The following SGCZ variants were observed in gnomAD, a reference collection of about 807,000 sequenced individuals.
SGCZ encodes the protein sarcoglycan zeta, also known as zeta-sarcoglycan.
A neutral mutation model predicts 41.3 loss-of-function variants in SGCZ; 40 were observed. The observed-to-expected ratio is 0.97, with a 90% CI of 0.75 to 1.26. SGCZ has a LOEUF of 1.26. Ranked by LOEUF, SGCZ falls within the 50% of genes most tolerant of loss-of-function variation. SGCZ has a pLI of 0.00. For missense variants in SGCZ, 552 were observed against 369.8 expected (o/e 1.49, Z -4.04); for synonymous variants, 206 against 137.5 (o/e 1.50, Z -3.49).
At chr8:14,614,726 G>A (rs768397853) in intron 1 of SGCZ, among the ~76,000 whole-genome samples, 3 of 152,014 alleles carry the variant, frequency 2.0e-5, no homozygotes, top group Non-Finnish European at 4.4e-5. Context: ...AAGAGAACAA[G>A]AGACTAATAA....
intron 1 of SGCZ, among the ~76,000 whole-genome samples, chr8:15,064,534 CAA>C (rs199980199): frequency 0.038 from 4,844 of 128,146 alleles, 52 homozygotes; most frequent in East Asian, 0.11. Context: ...CCAGGCCTCT[CAA>C]AAAAAAAAAA....
chr8:15,114,250 G>A (rs1289287428), intron 1 of SGCZ, among the ~76,000 whole-genome samples: 2 of 152,116 alleles, frequency 1.3e-5, no homozygotes, highest in Non-Finnish European at 2.9e-5. Flanking sequence ...ACCCTGTCCT[G>A]GATGCCTTGT....
intron 1 of SGCZ, among the ~76,000 whole-genome samples, chr8:14,647,845 A>G (rs1807272877): frequency 6.6e-6 from 1 of 152,030 alleles, no homozygotes; most frequent in Non-Finnish European, 1.5e-5. Context: ...CTCATCTGTA[A>G]GTTGAAGTTA....
intron 1 of SGCZ, among the ~76,000 whole-genome samples, chr8:15,186,566 T>A (rs1050015489): frequency 1.3e-5 from 2 of 152,174 alleles, no homozygotes; most frequent in Non-Finnish European, 1.5e-5. Flanking sequence ...AGCTTTGAAA[T>A]AATATCTATT....
chr8:14,325,747 C>CACAT (rs1802079598), intron 2 of SGCZ, among the ~76,000 whole-genome samples: 2 of 69,460 alleles, frequency 2.9e-5, no homozygotes, highest in East Asian at 3.6e-4. Flanking sequence ...CACACACACA[C>CACAT]ATATATATAT....
intron 1 of SGCZ, among the ~76,000 whole-genome samples, chr8:15,116,939 T>C (rs998134086): frequency 7.2e-5 from 11 of 152,200 alleles, no homozygotes; most frequent in African/African-American, 2.7e-4. Context: ...TTATTCAAGA[T>C]TGATAGTTCT....
At chr8:14,851,784 T>C (rs1343752138) in intron 1 of SGCZ, among the ~76,000 whole-genome samples, 3 of 152,166 alleles carry the variant, frequency 2.0e-5, no homozygotes, top group Admixed American at 1.3e-4. Flanking sequence ...TCAGAGCGAA[T>C]ACTTTCCAGG....
intron 1 of SGCZ, among the ~76,000 whole-genome samples, chr8:14,889,736 A>C (rs890655524): frequency 5.9e-5 from 9 of 152,214 alleles, no homozygotes; most frequent in South Asian, 4.1e-4. Context: ...CACAAAATAT[A>C]GATATTTTGT....
intron 1 of SGCZ, among the ~76,000 whole-genome samples, chr8:14,564,849 C>A (rs567304448): frequency 2.6e-5 from 4 of 152,104 alleles, no homozygotes; most frequent in Non-Finnish European, 5.9e-5. Context: ...CTACTTACCA[C>A]GGCAATTTAA....
intron 1 of SGCZ, among the ~76,000 whole-genome samples, chr8:14,933,695 G>T (rs768795553): frequency 3.3e-5 from 5 of 151,842 alleles, no homozygotes; most frequent in Non-Finnish European, 5.9e-5. Flanking sequence ...CTCGTGATCT[G>T]CCCGCCTTGG....
At chr8:14,706,292 T>C (rs147118996) in intron 1 of SGCZ, among the ~76,000 whole-genome samples, 3 of 152,110 alleles carry the variant, frequency 2.0e-5, no homozygotes, top group African/African-American at 7.2e-5. Context: ...TTTAAACTAA[T>C]CAAATTTCAA....
At chr8:14,308,366 A>T (rs1670530001) in intron 3 of SGCZ, among the ~76,000 whole-genome samples, 1 of 152,110 alleles carries the variant, frequency 6.6e-6, no homozygotes, top group Non-Finnish European at 1.5e-5. Context: ...GCTGTAAAAA[A>T]ATTTGGATAG....
intron 1 of SGCZ, among the ~76,000 whole-genome samples, chr8:14,912,402 T>C (rs1799303534): frequency 6.6e-6 from 1 of 152,004 alleles, no homozygotes; most frequent in Non-Finnish European, 1.5e-5. Flanking sequence ...TAAAAATCCA[T>C]CTTACCTCAG....
intron 2 of SGCZ, among the ~76,000 whole-genome samples, chr8:14,355,273 T>G: frequency 6.6e-6 from 1 of 152,104 alleles, no homozygotes; most frequent in East Asian, 1.9e-4. Context: ...AGCACAATTT[T>G]TATTTGTATT....
chr8:14,742,598 T>G (rs1799226777), intron 1 of SGCZ, among the ~76,000 whole-genome samples: 1 of 152,058 alleles, frequency 6.6e-6, no homozygotes. Flanking sequence ...TTTAATAAAA[T>G]TGTACCTATT....
chr8:14,682,527 C>A (rs1814140), intron 1 of SGCZ, among the ~76,000 whole-genome samples: 5 of 151,150 alleles, frequency 3.3e-5, no homozygotes, highest in African/African-American at 1.2e-4. Context: ...CTCCGCCTCC[C>A]GGGTTCACGC....
chr8:15,093,120 A>G (rs968185974), intron 1 of SGCZ, among the ~76,000 whole-genome samples: 1 of 152,184 alleles, frequency 6.6e-6, no homozygotes, highest in South Asian at 2.1e-4. Flanking sequence ...CTGCAGCCAT[A>G]ATAAAAAAAA....
intron 1 of SGCZ, among the ~76,000 whole-genome samples, chr8:15,003,612 C>G (rs773574782): frequency 3.0e-4 from 46 of 152,208 alleles, no homozygotes; most frequent in Non-Finnish European, 5.3e-4. Flanking sequence ...ACAAATAGCA[C>G]GTCAAATAGA....
chr8:14,983,172 T>TC (rs1202256385), intron 1 of SGCZ, among the ~76,000 whole-genome samples: 1 of 134,802 alleles, frequency 7.4e-6, no homozygotes, highest in African/African-American at 2.7e-5. Flanking sequence ...GTGCTGTCAC[T>TC]CCTTTTTTTT....
Sources: allele counts gnomAD v4.1 joint callset (sites outside exome capture counted in the v4.1 genomes callset), GRCh38; gene constraint gnomAD v4.1.1; transcripts MANE v1.5; gene names NCBI Gene and HGNC (gene_info 2026-07-23, HGNC 2026-07-21).